The following TP53INP1 variants were observed in gnomAD, a reference collection of about 807,000 sequenced individuals.
The protein encoded by TP53INP1 is tumor protein p53 inducible nuclear protein 1, also known as tumor protein p53-inducible nuclear protein 1.
In TP53INP1, 12 loss-of-function variants were observed where a neutral mutation model predicts 21.0. That is an observed-to-expected ratio of 0.57 (90% CI 0.37 to 0.93). The LOEUF (loss-of-function observed/expected upper bound fraction) is 0.93. Ranked by LOEUF, TP53INP1 falls within the 40% of genes least tolerant of loss-of-function variation. The pLI, the probability that TP53INP1 is intolerant of heterozygous loss-of-function variation, is 0.01. For missense variants in TP53INP1, 274 were observed against 294.7 expected (o/e 0.93, Z 0.51); for synonymous variants, 91 against 94.8 (o/e 0.96, Z 0.23).
rs71273438 is a variant in TP53INP1 at position 94,946,696 on chromosome 8, C to CAAAAAAAAAAAAAAAAAAAAAAA, written c.-151+2435_-151+2457dup. ...TGGTCAACAGAGTAAGACCCTGTCTCAAAAAAAAAAAAAAAAAAAAAAAAG... is the reference window on the plus strand; with the variant it reads ...TGGTCAACAGAGTAAGACCCTGTCTCAAAAAAAAAAAAAAAAAAAAAAAAAAAAAAAAAAAAAAAAAAAAAAAG... On this transcript the variant is annotated intron_variant, in intron 1 of 3. Transcript: ENST00000342697. 2.4e-3 allele frequency among the ~76,000 whole-genome samples: 84 copies of CAAAAAAAAAAAAAAAAAAAAAAA among 34,690 alleles called. 9 individuals carry two copies. Among genetic ancestry groups the CAAAAAAAAAAAAAAAAAAAAAAA allele is most frequent in the Middle Eastern group, 0.019 (1 of 52 alleles). The allele number at this position is 34,690 out of a possible 152,430, so 22.8% of individuals were successfully genotyped here. A position where few individuals can be genotyped will look rare whatever the true frequency, so the allele number is the denominator to read the frequency against.
rs1015841173 is a variant in TP53INP1 at position 94,927,379 on chromosome 8, C to T, written c.*3100G>A. ...CAGAAGCAGAAACAATGCTGAACAG[C>T]CTGCTCAAGTTTTAAATAAACTGTC... is the stretch of plus-strand genomic sequence containing the variant. On this transcript the variant is annotated 3_prime_UTR_variant, in exon 4 of 4. Transcript: ENST00000342697. 1.3e-5 allele frequency: 2 copies of T among 152,154 alleles called. No homozygotes were observed. Among genetic ancestry groups the T allele is most frequent in the Non-Finnish European group, 2.9e-5 (2 of 68,024 alleles). The allele number at this position is 152,154 out of a possible 1,614,324, so 9.4% of individuals were successfully genotyped here.
chr8:94,939,728 C>G, intron 3 of TP53INP1, 132 bp downstream of exon 3: 1 of 1,282,442 alleles, frequency 7.8e-7, no homozygotes, highest in Non-Finnish European at 1.1e-6. Context: ...ATCTTGTGTA[C>G]TATGCACATG....
rs1047529797 is a variant in TP53INP1, at chr8:94,932,251, T to C, written c.474-1523A>G. Reference sequence around the variant, plus strand: ...GCACGTACATGTGCTTAAGATAACATGTAAAACCTTCAAAAACAATACTTA... The same window carrying C: ...GCACGTACATGTGCTTAAGATAACACGTAAAACCTTCAAAAACAATACTTA... On this transcript the variant is annotated intron_variant, in intron 3 of 3. Coordinates refer to ENST00000342697, the MANE Select transcript of TP53INP1 (RefSeq NM_033285.4). The C allele has an allele frequency of 4.8e-5, 39 of 806,240 alleles. No homozygotes were observed. In the African/African-American group the frequency reaches 4.8e-4, roughly 10 times the overall value. The allele number at this position is 806,240 out of a possible 1,614,324, so 49.9% of individuals were successfully genotyped here.
At position 94,940,936 on chromosome 8, in the gene TP53INP1, G is replaced by C; in HGVS notation, c.6C>G (p.Phe2Leu). 6.2e-7 allele frequency: 1 copy of C among 1,612,620 alleles called. No individual in the cohort carries two copies. Among genetic ancestry groups the C allele is most frequent in the Non-Finnish European group, 8.5e-7 (1 of 1,179,272 alleles). Residue 2 changes from phenylalanine to leucine, a missense_variant, in exon 2 of 4, where the codon TTC becomes TTG. Physicochemically the swap from Phe to Leu is conservative, Grantham distance 22 (BLOSUM62 0). Transcript: ENST00000342697. M[F>L]QRLNKMFVGE... is the part of the protein sequence containing the mutation. ...CCACAAACATTTTATTCAGCCTCTG[G>C]AACATTGTTAAGGCAAGACTGAGAG... is the stretch of plus-strand genomic sequence containing the variant.
chr8:94,940,142 G>C lies in TP53INP1; in HGVS notation c.191C>G (p.Ser64Ter). The C allele has an allele frequency of 6.2e-7, 1 of 1,614,198 alleles. No homozygotes were observed. Among genetic ancestry groups the C allele is most frequent in the Non-Finnish European group, 8.5e-7 (1 of 1,180,032 alleles). Residue 64 changes from serine to a stop codon, truncating the protein, a stop_gained, in exon 3 of 4, where the codon TCA (serine) becomes TGA (stop). Coordinates refer to ENST00000342697, the MANE Select transcript of TP53INP1 (RefSeq NM_033285.4). LOFTEE classifies it high-confidence loss of function. ...AGATGCCGGTAAACAGGAAAAGACTGAAGGGTGCTCAGTAGGTGACTCTTC... is the reference window on the plus strand; with the variant it reads ...AGATGCCGGTAAACAGGAAAAGACTCAAGGGTGCTCAGTAGGTGACTCTTC... ...ISEESPTEHP[S>*]VFSCLPASLE...
At position 94,937,049 on chromosome 8, in the gene TP53INP1, G is replaced by A. The variant is rs191278146; in HGVS notation, c.473+2811C>T. On this transcript the variant is annotated intron_variant, in intron 3 of 3. Transcript: ENST00000342697. ...TCTTGAGAAGAAAAGACAGTCTCTG[G>A]AGTGGGCTTTACTTAACCAATGGAA... 7.2e-5 allele frequency among the ~76,000 whole-genome samples: 11 copies of A among 152,316 alleles called. No individual in the cohort carries two copies. The South Asian group carries it at 1.5e-3, about 20-fold the overall frequency.
At chr8:94,946,746 G>C (rs544869621) in intron 1 of TP53INP1, among the ~76,000 whole-genome samples, 1 of 124,350 alleles carries the variant, frequency 8.0e-6, no homozygotes, top group South Asian at 2.6e-4. Flanking sequence ...TTGAAATCTT[G>C]GCTCTGCTAC....
rs74937413 is a variant in TP53INP1 at position 94,929,600 on chromosome 8, T to G, written c.*879A>C. On this transcript the variant is annotated 3_prime_UTR_variant, in exon 4 of 4. Transcript: ENST00000342697. ...CTTTTCCCATGGGCAGAGAGAAATATGAAGTCACTTGAGTGCCTGGACAAG... is the reference window on the plus strand; with the variant it reads ...CTTTTCCCATGGGCAGAGAGAAATAGGAAGTCACTTGAGTGCCTGGACAAG... 7 of 152,270 alleles carry G rather than the reference T, an allele frequency of 4.6e-5. No individual in the cohort carries two copies. The highest frequency in any genetic ancestry group is 8.8e-5 in the Non-Finnish European group (6 of 68,018). The allele number at this position is 152,270 out of a possible 1,614,324, so 9.4% of individuals were successfully genotyped here.
At chr8:94,931,095 T>C (rs1400364546) in intron 3 of TP53INP1, among the ~76,000 whole-genome samples, 1 of 152,244 alleles carries the variant, frequency 6.6e-6, no homozygotes, top group African/African-American at 2.4e-5. Flanking sequence ...TTTGCAAATA[T>C]ATATTTTAAT....
intron 3 of TP53INP1, among the ~76,000 whole-genome samples, chr8:94,931,275 AT>A (rs535323496): frequency 1.3e-3 from 201 of 152,284 alleles, no homozygotes; most frequent in African/African-American, 4.7e-3. Flanking sequence ...AATTCTACTC[AT>A]TTGCCATTTT....
intron 1 of TP53INP1, among the ~76,000 whole-genome samples, chr8:94,948,683 G>A (rs1822239594): frequency 6.6e-6 from 1 of 152,138 alleles, no homozygotes; most frequent in African/African-American, 2.4e-5. Flanking sequence ...GATGCGTCCC[G>A]GGGGTGGCCG....
In TP53INP1 at chr8:94,930,349, A is replaced by G. The variant is rs1412064574; in HGVS notation, c.*130T>C. 7.6e-7 allele frequency: 1 copy of G among 1,309,726 alleles called. No homozygotes were observed. Among genetic ancestry groups the G allele is most frequent in the African/African-American group, 1.5e-5 (1 of 68,012 alleles). 81.1% of individuals were successfully genotyped at this position (1,309,726 alleles called of 1,614,324 possible). A position where few individuals can be genotyped will look rare whatever the true frequency, so the allele number is the denominator to read the frequency against. Reference sequence around the variant, plus strand: ...AATCTGATTTTCAAGATAGTGTCTAAATACACTGATAAAACTATGTGATTG... The same window carrying G: ...AATCTGATTTTCAAGATAGTGTCTAGATACACTGATAAAACTATGTGATTG... On this transcript the variant is annotated 3_prime_UTR_variant, in exon 4 of 4. Coordinates refer to ENST00000342697, the MANE Select transcript of TP53INP1 (RefSeq NM_033285.4).
chr8:94,930,687 TAAC>T lies in TP53INP1; in HGVS notation c.512_514del (p.Cys171del), dbSNP rs954403435. 3 of 1,614,102 alleles carry T rather than the reference TAAC, an allele frequency of 1.9e-6. No individual in the cohort carries two copies. In the African/African-American group the frequency reaches 4.0e-5, roughly 22 times the overall value. On this transcript the variant is annotated inframe_deletion, in exon 4 of 4. Coordinates refer to ENST00000342697, the MANE Select transcript of TP53INP1 (RefSeq NM_033285.4). Reference sequence around the variant, plus strand: ...TGTATGAGCAGCAAGAGCTGCAACATAACAATGAATATGCTGCCCCATTTCATT... The same window carrying T: ...TGTATGAGCAGCAAGAGCTGCAACATAATGAATATGCTGCCCCATTTCATT...
rs1820678897 is a variant in TP53INP1 at position 94,933,834 on chromosome 8, T to TGC, written c.474-3107_474-3106insGC. ...TCATGCCTGTAATCCCAGCACTTTGTGGGGGGGGGGGGAGGATCACGAGGT... is the reference window on the plus strand; with the variant it reads ...TCATGCCTGTAATCCCAGCACTTTGTGCGGGGGGGGGGGGAGGATCACGAGGT... On this transcript the variant is annotated intron_variant, in intron 3 of 3. Coordinates refer to ENST00000342697, the MANE Select transcript of TP53INP1 (RefSeq NM_033285.4). Among the ~76,000 whole-genome samples the TGC allele has an allele frequency of 8.5e-5, 5 of 59,022 alleles. 1 individual carries two copies. Among genetic ancestry groups the TGC allele is most frequent in the Non-Finnish European group, 1.7e-4 (5 of 29,730 alleles). The allele number at this position is 59,022 out of a possible 152,430, so 38.7% of individuals were successfully genotyped here.
At chr8:94,944,973 C>G (rs1453003188) in intron 1 of TP53INP1, among the ~76,000 whole-genome samples, 3 of 152,200 alleles carry the variant, frequency 2.0e-5, no homozygotes, top group Admixed American at 6.5e-5. Context: ...TGGAGAGACC[C>G]TCCCCCCATT....
rs1490425831 is a variant in TP53INP1 at position 94,928,948 on chromosome 8, CAGT to C, written c.*1528_*1530del. The stretch of plus-strand genomic sequence containing the variant: ...TTGATTATGAAGGCAACACTTCTGT[CAGT>C]AGAATTGCTTTGGATTGTAAATATG... On this transcript the variant is annotated 3_prime_UTR_variant, in exon 4 of 4. Transcript: ENST00000342697. 2.6e-5 allele frequency: 4 copies of C among 152,610 alleles called. No homozygotes were observed. Among genetic ancestry groups the C allele is most frequent in the Non-Finnish European group, 4.4e-5 (3 of 68,044 alleles). The allele number at this position is 152,610 out of a possible 1,614,324, so 9.5% of individuals were successfully genotyped here. A position where few individuals can be genotyped will look rare whatever the true frequency, so the allele number is the denominator to read the frequency against.
chr8:94,932,035 C>T, intron 3 of TP53INP1: 3 of 1,597,018 alleles, frequency 1.9e-6, no homozygotes, highest in Non-Finnish European at 2.6e-6. Context: ...CCTATGCATA[C>T]ATATATCACA....
In TP53INP1 at chr8:94,929,430, AAG is replaced by A. The variant is rs962730801; in HGVS notation, c.*1047_*1048del. 1.2e-4 allele frequency: 19 copies of A among 152,180 alleles called. No individual in the cohort carries two copies. The highest frequency in any genetic ancestry group is 1.0e-3 in the South Asian group (5 of 4,810). The allele number at this position is 152,180 out of a possible 1,614,324, so 9.4% of individuals were successfully genotyped here. A position where few individuals can be genotyped will look rare whatever the true frequency, so the allele number is the denominator to read the frequency against. ...AATACAAGGCAATTAAAAAAAAAAAAAGAAAAAAGTTGAGCCAACCTGTCACT... is the reference window on the plus strand; with the variant it reads ...AATACAAGGCAATTAAAAAAAAAAAAAAAAAAGTTGAGCCAACCTGTCACT... On this transcript the variant is annotated 3_prime_UTR_variant, in exon 4 of 4. Transcript: ENST00000342697.
chr8:94,928,660 T>G lies in TP53INP1; in HGVS notation c.*1819A>C, dbSNP rs1035113676. On this transcript the variant is annotated 3_prime_UTR_variant, in exon 4 of 4. Coordinates refer to ENST00000342697, the MANE Select transcript of TP53INP1 (RefSeq NM_033285.4). ...TTGTTCTAAAGAGACATTCTGGCAC[T>G]TCATCACAGCCAGTAGAAGAACAAT... 1 of 152,280 alleles carries G rather than the reference T, an allele frequency of 6.6e-6. No individual in the cohort carries two copies. Among genetic ancestry groups the G allele is most frequent in the African/African-American group, 2.4e-5 (1 of 41,448 alleles). The allele number at this position is 152,280 out of a possible 1,614,324, so 9.4% of individuals were successfully genotyped here.
Sources: allele counts gnomAD v4.1 joint callset (sites outside exome capture counted in the v4.1 genomes callset), GRCh38; gene constraint gnomAD v4.1.1; transcripts MANE v1.5; gene names NCBI Gene and HGNC (gene_info 2026-07-23, HGNC 2026-07-21).